Variants in CS observed in about 807,000 individuals in gnomAD.
The protein encoded by CS is citrate synthase.
CS carries 13 observed loss-of-function variants against 61.4 expected under a neutral mutation model. The observed-to-expected ratio is 0.21, with a 90% CI of 0.14 to 0.34. The LOEUF is 0.34. Ranked by LOEUF, CS falls within the 10% of genes least tolerant of loss-of-function variation. The probability of loss-of-function intolerance (pLI) is 1.00; values close to 1 mark genes in which losing one functional copy is unlikely to be tolerated. For synonymous variants in CS, 159 were observed against 215.2 expected (o/e 0.74, Z 2.29); for missense variants, 278 against 573.4 (o/e 0.48, Z 5.26).
intron 3 of CS, among the ~76,000 whole-genome samples, chr12:56,284,672 C>T (rs1358930268): frequency 4.3e-5 from 6 of 139,984 alleles, no homozygotes; most frequent in Admixed American, 1.5e-4. Context: ...GAGGCCAAGG[C>T]GGGCAGATCA....
At position 56,272,931 on chromosome 12, in the gene CS, T is replaced by C. The variant is rs1369989695; in HGVS notation, c.*153A>G. The C allele has an allele frequency of 1.6e-6, 1 of 624,972 alleles. No individual in the cohort carries two copies. Among genetic ancestry groups the C allele is most frequent in the East Asian group, 2.9e-5 (1 of 35,070 alleles). 38.7% of individuals were successfully genotyped at this position (624,972 alleles called of 1,614,324 possible). A position where few individuals can be genotyped will look rare whatever the true frequency, so the allele number is the denominator to read the frequency against. On this transcript the variant is annotated 3_prime_UTR_variant, in exon 11 of 11. Transcript: ENST00000351328. The stretch of plus-strand genomic sequence containing the variant: ...GGAAGAAGGGACCATTTTTCATCTT[T>C]TAAAGTCTTAATTTATATTTTAACC...
chr12:56,283,476 C>T (rs1872838227), intron 4 of CS, among the ~76,000 whole-genome samples: 1 of 152,112 alleles, frequency 6.6e-6, no homozygotes, highest in Non-Finnish European at 1.5e-5. Flanking sequence ...ACCTCCTGAC[C>T]GCATGATCTG....
intron 6 of CS, among the ~76,000 whole-genome samples, chr12:56,280,685 C>T (rs1373728979): frequency 6.6e-6 from 1 of 151,668 alleles, no homozygotes; most frequent in Non-Finnish European, 1.5e-5. Flanking sequence ...TTCACTCCAG[C>T]CTGGGTGACA....
intron 6 of CS, among the ~76,000 whole-genome samples, chr12:56,280,008 G>A (rs1872727950): frequency 6.6e-6 from 1 of 151,936 alleles, no homozygotes; most frequent in Admixed American, 6.6e-5. Flanking sequence ...GGCCCAGGGT[G>A]GTGGCTCACG....
At chr12:56,290,297 CCT>C (rs1873078465) in intron 1 of CS, among the ~76,000 whole-genome samples, 1 of 151,984 alleles carries the variant, frequency 6.6e-6, no homozygotes, top group Admixed American at 6.6e-5. Flanking sequence ...TTGCAACCTC[CCT>C]CTCCCAGGTT....
chr12:56,280,745 A>G (rs1872757592), intron 6 of CS, among the ~76,000 whole-genome samples: 1 of 152,184 alleles, frequency 6.6e-6, no homozygotes, highest in Admixed American at 6.5e-5. Flanking sequence ...AATGAAAAAC[A>G]AAATATTAAG....
chr12:56,286,268 A>G (rs1872936465), intron 2 of CS: 1 of 562,050 alleles, frequency 1.8e-6, no homozygotes, highest in African/African-American at 1.9e-5. Context: ...ATGGTTGCAC[A>G]ATAATGTAAA....
chr12:56,277,043 C>A (rs999577698), intron 6 of CS, among the ~76,000 whole-genome samples: 5 of 151,528 alleles, frequency 3.3e-5, no homozygotes, highest in African/African-American at 1.2e-4. Flanking sequence ...CTTCTAAAAA[C>A]ACAAAAAATC....
chr12:56,296,550 T>C (rs1020419031), intron 1 of CS, among the ~76,000 whole-genome samples: 2 of 152,194 alleles, frequency 1.3e-5, no homozygotes, highest in African/African-American at 4.8e-5. Context: ...AGTTGCCTCA[T>C]TACGGTTTTA....
At chr12:56,295,205 A>C (rs1464218406) in intron 1 of CS, among the ~76,000 whole-genome samples, 1 of 151,934 alleles carries the variant, frequency 6.6e-6, no homozygotes, top group Non-Finnish European at 1.5e-5. Flanking sequence ...GGAATTATAG[A>C]CATAAGCCAT....
chr12:56,286,656 A>C lies in CS; in HGVS notation c.43-11T>G, dbSNP rs940798975. ...AAGACAAGATGCATTCTGCAAAGCA[A>C]AAAAGAGAACCTTATGTAACTGTTA... is the stretch of plus-strand genomic sequence containing the variant. On this transcript the variant is annotated splice_polypyrimidine_tract_variant and intron_variant, in intron 1 of 10. Coordinates refer to ENST00000351328, the MANE Select transcript of CS (RefSeq NM_004077.3). 4.3e-6 allele frequency: 7 copies of C among 1,613,400 alleles called. No homozygotes were observed. The Admixed American group carries it at 8.3e-5, about 19-fold the overall frequency.
rs143961151 is a variant in CS, at chr12:56,273,788, T to C, written c.1029A>G (p.Pro343=). ...WNTLNSGRVV[P]GYGHAVLRKT... ...TCCTTAGTACTGCATGGCCATAGCC[T>C]GGAACAACCTGTAAAGAGTGAGGAA... The change falls in exon 10 of 11, where the codon CCA becomes CCG. Residue 343 remains proline, a synonymous_variant. Coordinates refer to ENST00000351328, the MANE Select transcript of CS (RefSeq NM_004077.3). 1.3e-5 allele frequency: 21 copies of C among 1,613,128 alleles called. No homozygotes were observed. In the African/African-American group the frequency reaches 2.4e-4, roughly 18 times the overall value.
chr12:56,275,239 C>T (rs1444902790), intron 7 of CS, 108 bp from the exon 8 acceptor site: 12 of 1,311,526 alleles, frequency 9.1e-6, no homozygotes, highest in South Asian at 8.9e-5. Flanking sequence ...GGGCTCATGC[C>T]AGCCTATAGC....
chr12:56,296,418 TG>T (rs1873307973), intron 1 of CS, among the ~76,000 whole-genome samples: 4 of 152,054 alleles, frequency 2.6e-5, no homozygotes, highest in Non-Finnish European at 5.9e-5. Flanking sequence ...TTCGCACCAC[TG>T]CACTCCAGCC....
At chr12:56,294,475 A>T (rs1224833574) in intron 1 of CS, among the ~76,000 whole-genome samples, 2 of 134,424 alleles carry the variant, frequency 1.5e-5, no homozygotes, top group Admixed American at 7.6e-5. Flanking sequence ...CTCTGTCTCA[A>T]AAAAAAAAAA....
intron 1 of CS, among the ~76,000 whole-genome samples, chr12:56,293,618 G>A (rs1873202613): frequency 1.3e-5 from 2 of 152,216 alleles, no homozygotes; most frequent in Admixed American, 6.5e-5. Flanking sequence ...TCGGGAGGCT[G>A]AGGCAGAATC....
chr12:56,285,946 C>T lies in CS; in HGVS notation c.171G>A (p.Lys57=), dbSNP rs1463724175. Residue 57 remains lysine, a synonymous_variant, in exon 3 of 11, where the codon AAG becomes AAA. Coordinates refer to ENST00000351328, the MANE Select transcript of CS (RefSeq NM_004077.3). ...RIKTFRQQHG[K]TVVGQITVDM... ...CCACAGTGATTTGGCCCACCACCGT[C>T]TTGCCATGTTGCTGCCTGAAAGTCT... 4 of 1,612,754 alleles carry T rather than the reference C, an allele frequency of 2.5e-6. No homozygotes were observed. Among genetic ancestry groups the T allele is most frequent in the African/African-American group, 1.3e-5 (1 of 74,900 alleles).
chr12:56,298,436 G>A (rs1873375315), intron 1 of CS, among the ~76,000 whole-genome samples: 1 of 152,054 alleles, frequency 6.6e-6, no homozygotes. Context: ...CTTCCCTATG[G>A]GCTTAAGGAG....
chr12:56,295,350 A>T (rs1208869177), intron 1 of CS, among the ~76,000 whole-genome samples: 1 of 147,918 alleles, frequency 6.8e-6, no homozygotes, highest in Non-Finnish European at 1.5e-5. Context: ...GTGAAACCCC[A>T]TCTCTACTAA....
Sources: gnomAD v4.1 joint callset for allele counts (sites outside exome capture counted in the v4.1 genomes callset) on GRCh38, gnomAD v4.1.1 for gene constraint, MANE v1.5 for transcripts, NCBI Gene and HGNC (gene_info 2026-07-23, HGNC 2026-07-21) for gene names.